ANKRD11: variants seen among roughly 807,000 people sequenced by gnomAD.
ANKRD11 encodes the protein ankyrin repeat domain-containing protein 11.
A neutral mutation model predicts 195.7 loss-of-function variants in ANKRD11; 17 were observed. The ratio of observed to expected loss-of-function variants is 0.09; its 90% CI spans 0.06 to 0.13. The LOEUF is 0.13. Ranked by LOEUF, ANKRD11 falls within the 10% of genes least tolerant of loss-of-function variation. ANKRD11 has a pLI of 1.00. For synonymous variants in ANKRD11, 1,953 were observed against 1,528.1 expected, an observed-to-expected ratio of 1.28 and a Z score of -6.49; for missense variants, 3,735 against 3,566.1, an observed-to-expected ratio of 1.05 and a Z score of -1.21.
At chr16:89,367,966 T>C (rs2040020376) in intron 2 of ANKRD11, among the ~76,000 whole-genome samples, 1 of 143,208 alleles carries the variant, frequency 7.0e-6, no homozygotes, top group African/African-American at 3.0e-5. Context: ...ACTGCACCAC[T>C]GCACTCCAGT....
Position 89,285,513 on chromosome 16 carries a change from G to A in ANKRD11, c.1029C>T (p.Val343=). ...CCTCATCAAACTCATACTCGTCCTTGACGGGGGCCGTGGCCTTCTGTGGCT... is the reference window on the plus strand; with the variant it reads ...CCTCATCAAACTCATACTCGTCCTTAACGGGGGCCGTGGCCTTCTGTGGCT... The part of the protein sequence containing the change: ...NPEPQKATAP[V]KDEYEFDEDD... Residue 343 remains valine (V), a synonymous_variant, in exon 9 of 13, where the codon GTC becomes GTT. Transcript: ENST00000301030. This position sits in a 1 kb window ranked among gnomAD's most constrained non-coding sequence, Gnocchi z 5.6. The A allele has an allele frequency of 6.2e-7, 1 of 1,614,092 alleles. No individual in the cohort carries two copies. The highest frequency in any genetic ancestry group is 8.5e-7 in the Non-Finnish European group (1 of 1,179,990).
chr16:89,460,918 G>C (rs1475603005), intron 1 of ANKRD11, among the ~76,000 whole-genome samples: 1 of 148,610 alleles, frequency 6.7e-6, no homozygotes, highest in Non-Finnish European at 1.5e-5. Context: ...TTACAGGAGA[G>C]GTGCCTTGGA....
chr16:89,275,255 C>G (rs1282440057), intron 9 of ANKRD11, 64 bp from the exon 10 acceptor site: 2 of 1,431,102 alleles, frequency 1.4e-6, no homozygotes, highest in East Asian at 4.9e-5. Flanking sequence ...AGGATATAGT[C>G]TGGAGTTCAC....
intron 2 of ANKRD11, among the ~76,000 whole-genome samples, chr16:89,366,082 A>C (rs1441613856): frequency 8.1e-5 from 12 of 147,528 alleles, no homozygotes; most frequent in Admixed American, 7.6e-4. Context: ...GTGAGCTAAA[A>C]TGGCGCCACT....
chr16:89,311,043 C>A (rs1597581411), intron 3 of ANKRD11, among the ~76,000 whole-genome samples: 1 of 152,332 alleles, frequency 6.6e-6, no homozygotes, highest in East Asian at 1.9e-4. Context: ...CAGATGCTCT[C>A]TGTCAGGTTG....
At position 89,284,619 on chromosome 16, in the gene ANKRD11, C is replaced by T. The variant is rs1320161369; in HGVS notation, c.1923G>A (p.Lys641=). 6.2e-7 allele frequency: 1 copy of T among 1,613,974 alleles called. No homozygotes were observed. Among genetic ancestry groups the T allele is most frequent in the South Asian group, 1.1e-5 (1 of 91,076 alleles). ...GGCTGATGGAACACTGTCCCTTCTC[C>T]TTGTTTTTGTGTTTGTGTTTTGTTT... ...KHKTKHKHKN[K]EKGQCSISQE... Residue 641 remains lysine (K), a synonymous_variant, in exon 9 of 13, where the codon AAG becomes AAA. Coordinates refer to ENST00000301030, the MANE Select transcript of ANKRD11 (RefSeq NM_013275.6).
chr16:89,342,535 C>G (rs1422471063), intron 2 of ANKRD11, among the ~76,000 whole-genome samples: 1 of 152,238 alleles, frequency 6.6e-6, no homozygotes, highest in Non-Finnish European at 1.5e-5. Flanking sequence ...CTGCGTGGCT[C>G]TCTCCTAGCA....
chr16:89,441,577 C>T (rs1317708533), intron 1 of ANKRD11, among the ~76,000 whole-genome samples: 1 of 151,834 alleles, frequency 6.6e-6, no homozygotes, highest in Non-Finnish European at 1.5e-5. Context: ...ACCATCCTGG[C>T]TAACATGGTA....
chr16:89,318,426 C>T (rs146453275), intron 2 of ANKRD11, among the ~76,000 whole-genome samples: 1 of 152,370 alleles, frequency 6.6e-6, no homozygotes, highest in Non-Finnish European at 1.5e-5. Context: ...ACTGTGTGCA[C>T]GTCTCTGCCC....
chr16:89,383,493 G>C (rs930739047), intron 2 of ANKRD11, among the ~76,000 whole-genome samples: 4 of 152,212 alleles, frequency 2.6e-5, no homozygotes, highest in Admixed American at 6.5e-5. Context: ...CAAAACCTCG[G>C]GGCCATGTCC....
chr16:89,461,320 C>T (rs1452733351), intron 1 of ANKRD11, among the ~76,000 whole-genome samples: 2 of 151,690 alleles, frequency 1.3e-5, no homozygotes, highest in South Asian at 4.2e-4. Context: ...TAGCCGGTGT[C>T]GTCTGGGAAG....
chr16:89,310,374 C>G (rs565005107), intron 3 of ANKRD11, among the ~76,000 whole-genome samples: 1 of 152,242 alleles, frequency 6.6e-6, no homozygotes, highest in Non-Finnish European at 1.5e-5. Context: ...ACTACACTGT[C>G]TGCATCCTCC....
Position 89,283,820 on chromosome 16 carries a change from T to C in ANKRD11, c.2722A>G (p.Lys908Glu), listed in dbSNP as rs374842408. Residue 908 changes from lysine (K) to glutamate (E), a missense_variant, in exon 9 of 13, where the codon AAG becomes GAG. By Grantham distance (56) the Lys-to-Glu change is moderately conservative. Transcript: ENST00000301030. The surrounding 1 kb of genome is among the most constrained non-coding windows in gnomAD (Gnocchi z 4.3). Reference sequence around the variant, plus strand: ...TTTTTATCCAAATAGTCCCTGTCCTTCTTTCGGAAGAAGGGCTCTCTGTAG... The same window carrying C: ...TTTTTATCCAAATAGTCCCTGTCCTCCTTTCGGAAGAAGGGCTCTCTGTAG... ...RDYREPFFRK[K>E]DRDYLDKNSE... The C allele has an allele frequency of 1.2e-6, 2 of 1,614,072 alleles. No homozygotes were observed. The highest frequency in any genetic ancestry group is 2.7e-5 in the African/African-American group (2 of 74,938).
intron 2 of ANKRD11, among the ~76,000 whole-genome samples, chr16:89,365,227 G>C (rs114790291): frequency 0.029 from 4,428 of 152,284 alleles, 145 homozygotes; most frequent in African/African-American, 0.074. Context: ...AAGTTCCAGA[G>C]CTGGTTTTTG....
At position 89,282,751 on chromosome 16, in the gene ANKRD11, T is replaced by C. The variant is rs1289510886; in HGVS notation, c.3791A>G (p.His1264Arg). 6.2e-7 allele frequency: 1 copy of C among 1,613,392 alleles called. No homozygotes were observed. The change falls in exon 9 of 13, where the codon CAT becomes CGT. Residue 1264 changes from histidine to arginine, a missense_variant. Transcript: ENST00000301030. ...TCTCGAGGACTTCCTCTCCTTGGAATGTTCTTTGTCCGACTTCTCTTTGTG... is the reference window on the plus strand; with the variant it reads ...TCTCGAGGACTTCCTCTCCTTGGAACGTTCTTTGTCCGACTTCTCTTTGTG... ...SKHKEKSDKE[H>R]SKERKSSRSA...
chr16:89,486,116 T>C (rs1223133969), intron 1 of ANKRD11, among the ~76,000 whole-genome samples: 1 of 152,146 alleles, frequency 6.6e-6, no homozygotes, highest in African/African-American at 2.4e-5. Flanking sequence ...GTGAAAACTG[T>C]CTTCCCACCT....
intron 2 of ANKRD11, among the ~76,000 whole-genome samples, chr16:89,363,859 C>A (rs1411689563): frequency 6.6e-6 from 1 of 152,048 alleles, no homozygotes; most frequent in Admixed American, 6.5e-5. Flanking sequence ...AGTTCGAGAC[C>A]AGCCTGGCCA....
chr16:89,427,805 G>T (rs1399509744), intron 1 of ANKRD11, among the ~76,000 whole-genome samples: 1 of 150,714 alleles, frequency 6.6e-6, no homozygotes, highest in Admixed American at 6.6e-5. Context: ...AAAAAAAAAA[G>T]TCTAGTAATC....
chr16:89,277,122 C>T (rs1403649314), intron 9 of ANKRD11, among the ~76,000 whole-genome samples: 1 of 151,980 alleles, frequency 6.6e-6, no homozygotes, highest in Non-Finnish European at 1.5e-5. Context: ...TCACTCTGTT[C>T]AGCACCACAT....
Sources: gnomAD v4.1 joint callset for allele counts (sites outside exome capture counted in the v4.1 genomes callset) on GRCh38, gnomAD v4.1.1 for gene constraint, Gnocchi (gnomAD v3.1) non-coding constraint, MANE v1.5 for transcripts, NCBI Gene and HGNC (gene_info 2026-07-23, HGNC 2026-07-21) for gene names.